BMAL1: variants seen among roughly 807,000 people sequenced by gnomAD.
BMAL1 encodes the protein basic helix-loop-helix ARNT like 1, also known as basic helix-loop-helix ARNT-like protein 1.
At chr11:13,329,505 A>G in the BMAL1 span, among the ~76,000 whole-genome samples, 1 of 152,272 alleles carries the variant, frequency 6.6e-6, no homozygotes, top group African/African-American at 2.4e-5. Flanking sequence ...TGAAAACCTC[A>G]TGGTGGGAGG....
the BMAL1 span, among the ~76,000 whole-genome samples, chr11:13,383,436 A>G: frequency 6.6e-6 from 1 of 152,200 alleles, no homozygotes; most frequent in Non-Finnish European, 1.5e-5. Flanking sequence ...CGGTTGGGTA[A>G]AATTGCTGGC....
chr11:13,366,747 A>G, the BMAL1 span: 1 of 1,614,092 alleles, frequency 6.2e-7, no homozygotes, highest in Non-Finnish European at 8.5e-7. Context: ...TCCTCCTCTG[A>G]CACCGCACCC....
At chr11:13,360,333 T>C in the BMAL1 span, 1 of 1,606,740 alleles carries the variant, frequency 6.2e-7, no homozygotes, top group Non-Finnish European at 8.5e-7. Context: ...TCTTTCTCTT[T>C]TTGCCCCTAA....
chr11:13,375,024 C>T, the BMAL1 span, among the ~76,000 whole-genome samples: 1 of 152,194 alleles, frequency 6.6e-6, no homozygotes, highest in African/African-American at 2.4e-5. Context: ...TTCCCTCCCT[C>T]CTTCTCTTGG....
the BMAL1 span, chr11:13,365,287 A>ACACC: frequency 3.3e-6 from 1 of 301,246 alleles, no homozygotes; most frequent in South Asian, 6.4e-5. Context: ...GCAGAAACAC[A>ACACC]CACACACACA....
the BMAL1 span, among the ~76,000 whole-genome samples, chr11:13,345,720 G>A: frequency 1.3e-5 from 2 of 152,120 alleles, no homozygotes; most frequent in East Asian, 1.9e-4. Flanking sequence ...TTCAGTTCTC[G>A]GTTCCTCACC....
At chr11:13,348,025 A>G in the BMAL1 span, among the ~76,000 whole-genome samples, 1 of 151,966 alleles carries the variant, frequency 6.6e-6, no homozygotes, top group Non-Finnish European at 1.5e-5. Flanking sequence ...GGTGGAGGAG[A>G]CACGCCTACA....
the BMAL1 span, among the ~76,000 whole-genome samples, chr11:13,329,891 G>T: frequency 1.3e-5 from 2 of 152,208 alleles, no homozygotes; most frequent in Non-Finnish European, 2.9e-5. Context: ...TGACTCACCT[G>T]TCATGTCGAT....
At chr11:13,376,274 C>G in the BMAL1 span, among the ~76,000 whole-genome samples, 4 of 152,202 alleles carry the variant, frequency 2.6e-5, no homozygotes, top group Admixed American at 6.5e-5. Context: ...CTGCTCCCCA[C>G]TTTTCCTTCC....
the BMAL1 span, among the ~76,000 whole-genome samples, chr11:13,295,056 G>T: frequency 6.6e-6 from 1 of 152,230 alleles, no homozygotes; most frequent in Non-Finnish European, 1.5e-5. Flanking sequence ...AGGGCTAGGG[G>T]TGCTGAGCTG....
At chr11:13,295,248 T>C in the BMAL1 span, among the ~76,000 whole-genome samples, 2 of 152,130 alleles carry the variant, frequency 1.3e-5, no homozygotes, top group Admixed American at 1.3e-4. Context: ...AGATGCTGGC[T>C]GATGACCAAG....
chr11:13,284,154 ATATATG>A, the BMAL1 span, among the ~76,000 whole-genome samples: 4 of 61,788 alleles, frequency 6.5e-5, no homozygotes, highest in African/African-American at 2.7e-4. Flanking sequence ...GTGTATATAT[ATATATG>A]TGTGTATATA....
At chr11:13,319,231 G>A in the BMAL1 span, among the ~76,000 whole-genome samples, 2 of 152,164 alleles carry the variant, frequency 1.3e-5, no homozygotes, top group Admixed American at 6.5e-5. Context: ...TGTATGTTAA[G>A]TAAATTTCGT....
chr11:13,343,643 G>C, the BMAL1 span, among the ~76,000 whole-genome samples: 1 of 152,154 alleles, frequency 6.6e-6, no homozygotes, highest in African/African-American at 2.4e-5. Context: ...CTTGACAAAG[G>C]GTTAAGAAGA....
chr11:13,277,658 G>A, the BMAL1 span: 1 of 151,670 alleles, frequency 6.6e-6, no homozygotes, highest in Admixed American at 6.6e-5. Context: ...GGATTGGCTG[G>A]CGGGAAGAGG....
At chr11:13,320,985 GATAA>G in the BMAL1 span, among the ~76,000 whole-genome samples, 3 of 152,210 alleles carry the variant, frequency 2.0e-5, no homozygotes, top group South Asian at 4.1e-4. Context: ...ATCCACTAGA[GATAA>G]AGTTACATTG....
At chr11:13,315,517 G>T in the BMAL1 span, among the ~76,000 whole-genome samples, 9 of 152,222 alleles carry the variant, frequency 5.9e-5, no homozygotes, top group Non-Finnish European at 8.8e-5. Context: ...AAGACACTGT[G>T]TGAGGAAACT....
At chr11:13,326,082 AG>A in the BMAL1 span, among the ~76,000 whole-genome samples, 1 of 152,016 alleles carries the variant, frequency 6.6e-6, no homozygotes, top group East Asian at 1.9e-4. Context: ...ACACGCCTGT[AG>A]TCCCAGCTAC....
the BMAL1 span, among the ~76,000 whole-genome samples, chr11:13,336,680 G>C: frequency 6.6e-6 from 1 of 152,202 alleles, no homozygotes; most frequent in Admixed American, 6.5e-5. Context: ...TGACTGTACT[G>C]AGCAGCAGTG....
Sources: gnomAD v4.1 joint callset for allele counts (sites outside exome capture counted in the v4.1 genomes callset) on GRCh38, gnomAD v4.1.1 for gene constraint, MANE v1.5 for transcripts, NCBI Gene and HGNC (gene_info 2026-07-23, HGNC 2026-07-21) for gene names.